Variants in ESR2 observed in about 807,000 individuals in gnomAD.
ESR2 encodes the protein estrogen receptor beta.
In ESR2, 36 loss-of-function variants were observed where a neutral mutation model predicts 49.6. The observed-to-expected ratio is 0.73, with a 90% CI of 0.56 to 0.96. ESR2 has a LOEUF of 0.96. Ranked by LOEUF, ESR2 falls within the 40% of genes least tolerant of loss-of-function variation. The pLI is 0.00. For synonymous variants in ESR2, 320 were observed against 266.1 expected (o/e 1.20, Z -1.97); for missense variants, 714 against 693.0 (o/e 1.03, Z -0.34).
chr14:64,318,334 C>T (rs951931397), intron 1 of ESR2, among the ~76,000 whole-genome samples: 4 of 150,938 alleles, frequency 2.7e-5, no homozygotes, highest in Non-Finnish European at 4.4e-5. Flanking sequence ...GTTAGGAGTT[C>T]GAGACCAGCC....
rs1167449101 is a variant in ESR2, at chr14:64,231,636, G to C, written c.*1501C>G. On this transcript the variant is annotated 3_prime_UTR_variant, in exon 9 of 9. Transcript: ENST00000341099. ...TAACACTGAATGCAGTCTTCCTAAT[G>C]ACTTAGTAAATACAGGATGTGCTAC... 6.6e-6 allele frequency: 1 copy of C among 152,156 alleles called. No individual in the cohort carries two copies. Among genetic ancestry groups the C allele is most frequent in the Non-Finnish European group, 1.5e-5 (1 of 68,036 alleles). 9.4% of individuals were successfully genotyped at this position (152,156 alleles called of 1,614,324 possible). A position where few individuals can be genotyped will look rare whatever the true frequency, so the allele number is the denominator to read the frequency against.
chr14:64,235,094 G>T lies in ESR2; in HGVS notation c.1282C>A (p.His428Asn). 1 of 1,614,178 alleles carries T rather than the reference G, an allele frequency of 6.2e-7. No homozygotes were observed. Among genetic ancestry groups the T allele is most frequent in the Non-Finnish European group, 8.5e-7 (1 of 1,180,034 alleles). Reference sequence around the variant, plus strand: ...GCATCGGTCACGGCGTTCAGCAAGTGAGCCAGCTTCCGGCTGCTGTCAGCA... The same window carrying T: ...GCATCGGTCACGGCGTTCAGCAAGTTAGCCAGCTTCCGGCTGCTGTCAGCA... ...QDADSSRKLA[H>N]LLNAVTDALV... Residue 428 changes from histidine to asparagine, a missense_variant, in exon 8 of 9, where the codon CAC becomes AAC. Physicochemically the swap from His to Asn is moderately conservative, Grantham distance 68. Transcript: ENST00000341099.
At chr14:64,318,876 C>T (rs1385952042) in intron 1 of ESR2, among the ~76,000 whole-genome samples, 2 of 151,934 alleles carry the variant, frequency 1.3e-5, no homozygotes, top group Non-Finnish European at 2.9e-5. Flanking sequence ...AATCCTATCT[C>T]TACAAAAAAT....
chr14:64,304,143 C>G (rs2077061260), intron 1 of ESR2, among the ~76,000 whole-genome samples: 1 of 152,156 alleles, frequency 6.6e-6, no homozygotes, highest in African/African-American at 2.4e-5. Context: ...AACTCCATCT[C>G]TACAAAAAAT....
intron 1 of ESR2, among the ~76,000 whole-genome samples, chr14:64,332,996 C>T (rs1189209262): frequency 4.6e-5 from 7 of 150,766 alleles, no homozygotes; most frequent in Non-Finnish European, 8.9e-5. Context: ...CCTGCCTCAG[C>T]CTCCCGAGTA....
intron 7 of ESR2, among the ~76,000 whole-genome samples, chr14:64,236,409 G>T (rs1034613075): frequency 1.3e-5 from 2 of 151,852 alleles, no homozygotes; most frequent in African/African-American, 2.4e-5. Context: ...CCCTCCCACC[G>T]CAGGGGAAAC....
intron 4 of ESR2, among the ~76,000 whole-genome samples, chr14:64,265,034 T>C (rs551337269): frequency 6.6e-6 from 1 of 152,340 alleles, no homozygotes; most frequent in Non-Finnish European, 1.5e-5. Flanking sequence ...TCAAATTTAC[T>C]TGACAAATTT....
intron 4 of ESR2, among the ~76,000 whole-genome samples, chr14:64,266,496 G>A (rs1018573753): frequency 2.6e-5 from 4 of 152,120 alleles, no homozygotes; most frequent in Admixed American, 6.5e-5. Context: ...GCTGTGCAAC[G>A]GATCCTAGTA....
At chr14:64,260,970 A>G (rs1031058037) in intron 4 of ESR2, among the ~76,000 whole-genome samples, 1 of 140,104 alleles carries the variant, frequency 7.1e-6, no homozygotes, top group Non-Finnish European at 1.6e-5. Flanking sequence ...AAGAGTGCTC[A>G]TAAACCTGTT....
At chr14:64,285,349 G>A (rs184358468) in intron 1 of ESR2, among the ~76,000 whole-genome samples, 3 of 152,106 alleles carry the variant, frequency 2.0e-5, no homozygotes, top group South Asian at 2.1e-4. Flanking sequence ...CATTCCACAC[G>A]AATCTCCTGC....
chr14:64,227,177 TC>T (rs2098722135), downstream of ESR2: 1 of 281,298 alleles, frequency 3.6e-6, no homozygotes, highest in African/African-American at 2.2e-5. Flanking sequence ...ACAATCCCAG[TC>T]CCCTCCTCCC....
intron 1 of ESR2, among the ~76,000 whole-genome samples, chr14:64,318,497 A>G (rs1008367984): frequency 7.7e-6 from 1 of 129,972 alleles, no homozygotes; most frequent in Non-Finnish European, 1.6e-5. Flanking sequence ...AGATCGTGCC[A>G]CCACACTCTA....
intron 1 of ESR2, among the ~76,000 whole-genome samples, chr14:64,308,309 G>A (rs922241590): frequency 6.6e-5 from 10 of 151,968 alleles, no homozygotes; most frequent in East Asian, 1.9e-4. Flanking sequence ...ACACCGCGCC[G>A]GGCCCCTATT....
At chr14:64,237,221 A>C (rs2075623297) in intron 7 of ESR2, among the ~76,000 whole-genome samples, 1 of 151,980 alleles carries the variant, frequency 6.6e-6, no homozygotes, top group Admixed American at 6.6e-5. Flanking sequence ...CAGCCTCCCA[A>C]AGTGCTGGGA....
At chr14:64,252,063 C>A (rs1317300049) in intron 6 of ESR2, among the ~76,000 whole-genome samples, 3 of 152,112 alleles carry the variant, frequency 2.0e-5, no homozygotes, top group Non-Finnish European at 4.4e-5. Flanking sequence ...TGTCTGTAAT[C>A]CTCGTGCTTT....
At chr14:64,329,184 A>T in intron 1 of ESR2, among the ~76,000 whole-genome samples, 1 of 107,858 alleles carries the variant, frequency 9.3e-6, no homozygotes, top group African/African-American at 3.6e-5. Flanking sequence ...AAGAGAAGGC[A>T]AGAGAGAGAG....
chr14:64,333,391 C>T (rs1221391125), intron 1 of ESR2, among the ~76,000 whole-genome samples: 8 of 152,100 alleles, frequency 5.3e-5, no homozygotes, highest in Non-Finnish European at 1.0e-4. Flanking sequence ...TCCTTGACAT[C>T]GTATTTCAGG....
intron 4 of ESR2, among the ~76,000 whole-genome samples, chr14:64,268,405 AACCATGGACATTT>A (rs1487841254): frequency 2.0e-5 from 3 of 152,190 alleles, no homozygotes; most frequent in African/African-American, 7.2e-5. Flanking sequence ...CACGAGTTTT[AACCATGGACATTT>A]ACCACGACTT....
In ESR2 at chr14:64,228,700, T is replaced by C. The variant is rs751322634; in HGVS notation, c.*4437A>G. On this transcript the variant is annotated 3_prime_UTR_variant, in exon 9 of 9. Coordinates refer to ENST00000341099, the MANE Select transcript of ESR2 (RefSeq NM_001437.3). ...GTTAACAGGAACTGTTCGCGGCTGG[T>C]ATCACCACTCCTTATGTGCTTCCCA... 6.6e-6 allele frequency among the ~76,000 whole-genome samples: 1 copy of C among 152,180 alleles called. No homozygotes were observed. Among genetic ancestry groups the C allele is most frequent in the Non-Finnish European group, 1.5e-5 (1 of 68,038 alleles).
Sources: allele counts gnomAD v4.1 joint callset (sites outside exome capture counted in the v4.1 genomes callset), GRCh38; gene constraint gnomAD v4.1.1; transcripts MANE v1.5; gene names NCBI Gene and HGNC (gene_info 2026-07-23, HGNC 2026-07-21).